The following CAMTA1 variants were observed in gnomAD, a reference collection of about 807,000 sequenced individuals.
The protein encoded by CAMTA1 is calmodulin-binding transcription activator 1.
CAMTA1 carries 27 observed loss-of-function variants against 170.9 expected under a neutral mutation model. The observed-to-expected ratio is 0.16, with a 90% CI of 0.12 to 0.22. The LOEUF (loss-of-function observed/expected upper bound fraction) is 0.22. CAMTA1 is among the 10% of genes least tolerant of loss of function. The probability of loss-of-function intolerance (pLI) is 1.00; values close to 1 mark genes in which losing one functional copy is unlikely to be tolerated. For synonymous variants in CAMTA1, 833 were observed against 891.5 expected (o/e 0.93, Z 1.17); for missense variants, 1,619 against 2,217.2 (o/e 0.73, Z 5.42).
chr1:7,641,535 G>A lies in CAMTA1; in HGVS notation c.664+982G>A, dbSNP rs76765570. On this transcript the variant is annotated intron_variant, in intron 7 of 22. Coordinates refer to ENST00000303635, the MANE Select transcript of CAMTA1 (RefSeq NM_015215.4). This position sits in a 1 kb window ranked among gnomAD's most constrained non-coding sequence, Gnocchi z 4.5. ...CTGGGAGGGCCCAGGCTGAGGCTACGGGCACCTGCGGTGATGCTAATCCTG... is the reference window on the plus strand; with the variant it reads ...CTGGGAGGGCCCAGGCTGAGGCTACAGGCACCTGCGGTGATGCTAATCCTG... 8.9e-4 allele frequency among the ~76,000 whole-genome samples: 135 copies of A among 152,296 alleles called. No individual in the cohort carries two copies. The highest frequency in any genetic ancestry group is 3.2e-3 in the African/African-American group (132 of 41,568).
chr1:7,745,875 T>C lies in CAMTA1; in HGVS notation c.4401T>C (p.Ser1467=), dbSNP rs1347998830. 1 of 1,614,242 alleles carries C rather than the reference T, an allele frequency of 6.2e-7. No homozygotes were observed. ...CATATAACGAGCCTCTAACCCCTTC[T>C]TCTAATACCAGCTTGAGCCCTGTTG... ...RSAYNEPLTP[S]SNTSLSPVGS... Residue 1467 remains serine, a synonymous_variant, in exon 18 of 23, where the codon TCT becomes TCC. Coordinates refer to ENST00000303635, the MANE Select transcript of CAMTA1 (RefSeq NM_015215.4).
At chr1:7,184,066 C>G (rs1052364973) in intron 4 of CAMTA1, among the ~76,000 whole-genome samples, 1 of 152,172 alleles carries the variant, frequency 6.6e-6, no homozygotes, top group Admixed American at 6.5e-5. Context: ...GAGTGAGATC[C>G]TGTCATTTGC....
At chr1:7,012,082 C>G (rs112951564) in intron 3 of CAMTA1, among the ~76,000 whole-genome samples, 2 of 152,166 alleles carry the variant, frequency 1.3e-5, no homozygotes, top group African/African-American at 2.4e-5. Context: ...TTGCCTTGCC[C>G]CTTGTCCATA....
Position 6,825,125 on chromosome 1 carries a change from A to G in CAMTA1, c.149A>G (p.Lys50Arg). Residue 50 changes from lysine to arginine, a missense_variant, in exon 3 of 23, where the codon AAA (lysine) becomes AGA (arginine). Lys to Arg is a conservative substitution (Grantham distance 26). Around this residue, in one of 8 missense-constraint regions of CAMTA1, gnomAD observed 97 missense variants for 225.4 expected, o/e 0.43. Transcript: ENST00000303635. ...GGGAACAGCAATAGTAGTCATGTAA[A>G]AATCTTTTTACCGAAAAAGCTGCTT... Reference protein sequence around the residue: ...DHGNSNSSHVKIFLPKKLLEC... With the variant: ...DHGNSNSSHVRIFLPKKLLEC... 6.2e-7 allele frequency: 1 copy of G among 1,608,100 alleles called. No individual in the cohort carries two copies. The highest frequency in any genetic ancestry group is 8.5e-7 in the Non-Finnish European group (1 of 1,177,370).
intron 1 of CAMTA1, among the ~76,000 whole-genome samples, chr1:6,819,853 C>T (rs1287305353): frequency 6.6e-6 from 1 of 152,230 alleles, no homozygotes; most frequent in Non-Finnish European, 1.5e-5. Flanking sequence ...GACATTCCTA[C>T]TCTCCAGTCC....
chr1:7,427,135 A>G (rs1472737347), intron 5 of CAMTA1, among the ~76,000 whole-genome samples: 1 of 152,206 alleles, frequency 6.6e-6, no homozygotes, highest in Non-Finnish European at 1.5e-5. Context: ...TGAGCCGAGA[A>G]GAGCTGTTTA....
chr1:7,292,634 A>T (rs1389615608), intron 5 of CAMTA1, among the ~76,000 whole-genome samples: 1 of 152,124 alleles, frequency 6.6e-6, no homozygotes, highest in Non-Finnish European at 1.5e-5. Context: ...CTCTGGCTTA[A>T]ATTTCTGAAT....
At chr1:7,095,790 G>C (rs1310968470) in intron 4 of CAMTA1, among the ~76,000 whole-genome samples, 1 of 152,268 alleles carries the variant, frequency 6.6e-6, no homozygotes, top group African/African-American at 2.4e-5. Context: ...GTGTGGAAGA[G>C]TGGCACACCA....
intron 5 of CAMTA1, among the ~76,000 whole-genome samples, chr1:7,271,342 G>A (rs1669770863): frequency 6.6e-6 from 1 of 152,084 alleles, no homozygotes; most frequent in South Asian, 2.1e-4. Flanking sequence ...TGGACTCCTA[G>A]ACTCCAGAAC....
At chr1:7,273,121 G>A (rs1485345788) in intron 5 of CAMTA1, among the ~76,000 whole-genome samples, 2 of 152,200 alleles carry the variant, frequency 1.3e-5, no homozygotes, top group African/African-American at 4.8e-5. Flanking sequence ...CACACGTGGA[G>A]AAATTGGAAC....
intron 6 of CAMTA1, among the ~76,000 whole-genome samples, chr1:7,553,768 G>A (rs1406734207): frequency 6.7e-6 from 1 of 149,234 alleles, no homozygotes; most frequent in African/African-American, 2.5e-5. Flanking sequence ...CTGCAATCAA[G>A]AGCTTGGATT....
chr1:7,084,922 A>G (rs1461433219), intron 3 of CAMTA1, among the ~76,000 whole-genome samples: 1 of 152,258 alleles, frequency 6.6e-6, no homozygotes, highest in Non-Finnish European at 1.5e-5. Flanking sequence ...GGGTTAAAGT[A>G]TAAAATATTA....
intron 4 of CAMTA1, among the ~76,000 whole-genome samples, chr1:7,240,518 C>CTT (rs759906051): frequency 3.2e-5 from 4 of 125,682 alleles, no homozygotes; most frequent in Non-Finnish European, 5.2e-5. Flanking sequence ...GTTCCAGAGT[C>CTT]TTTTTTTTTT....
At chr1:7,034,907 T>A (rs911892852) in intron 3 of CAMTA1, among the ~76,000 whole-genome samples, 2 of 152,092 alleles carry the variant, frequency 1.3e-5, no homozygotes, top group Admixed American at 6.5e-5. Flanking sequence ...ACCATAGTTT[T>A]AAAAAAAATC....
At chr1:7,176,786 C>G (rs748895397) in intron 4 of CAMTA1, among the ~76,000 whole-genome samples, 1 of 152,174 alleles carries the variant, frequency 6.6e-6, no homozygotes, top group Non-Finnish European at 1.5e-5. Flanking sequence ...TCAGGCCACC[C>G]CTGGCTGTGC....
At chr1:7,744,070 G>C (rs1420714140) in intron 16 of CAMTA1, among the ~76,000 whole-genome samples, 1 of 148,972 alleles carries the variant, frequency 6.7e-6, no homozygotes, top group East Asian at 2.0e-4. Context: ...CTCGTGATCC[G>C]CCAGCCTTGG....
chr1:7,254,926 A>G (rs1451710600), intron 5 of CAMTA1, among the ~76,000 whole-genome samples: 2 of 152,346 alleles, frequency 1.3e-5, no homozygotes, highest in African/African-American at 4.8e-5. Context: ...GCCTAATGAA[A>G]TGAATGAGGG....
intron 3 of CAMTA1, among the ~76,000 whole-genome samples, chr1:6,998,086 G>C (rs963034802): frequency 6.0e-5 from 9 of 149,188 alleles, no homozygotes; most frequent in Non-Finnish European, 1.2e-4. Flanking sequence ...GCCTTTTTTT[G>C]TTTTGTTTTG....
intron 5 of CAMTA1, among the ~76,000 whole-genome samples, chr1:7,320,143 T>C (rs1045962968): frequency 3.3e-5 from 5 of 152,214 alleles, no homozygotes; most frequent in African/African-American, 9.6e-5. Flanking sequence ...CAGTATCAAG[T>C]AGACGTGGTA....
Sources: gnomAD v4.1 joint callset for allele counts (sites outside exome capture counted in the v4.1 genomes callset) on GRCh38, gnomAD v4.1.1 for gene constraint, gnomAD v4.1.1 regional missense constraint, Gnocchi (gnomAD v3.1) non-coding constraint, MANE v1.5 for transcripts, NCBI Gene and HGNC (gene_info 2026-07-23, HGNC 2026-07-21) for gene names.